Variants in ATP8A2 observed in about 807,000 individuals in gnomAD.
The protein encoded by ATP8A2 is phospholipid-transporting ATPase IB.
Under a neutral mutation model 165.6 loss-of-function variants are expected in ATP8A2, and 100 were observed. The observed-to-expected ratio is 0.60, with a 90% CI of 0.51 to 0.71. The LOEUF is 0.71. Among genes scored for constraint, ATP8A2 ranks in the 30% least tolerant of loss-of-function variants. ATP8A2 has a pLI of 0.00. For missense variants in ATP8A2, 1,227 were observed against 1,479.5 expected, an observed-to-expected ratio of 0.83 and a Z score of 2.80; for synonymous variants, 543 against 548.8, an observed-to-expected ratio of 0.99 and a Z score of 0.15.
intron 24 of ATP8A2, among the ~76,000 whole-genome samples, chr13:25,678,409 GC>G (rs1566039246): frequency 1.3e-5 from 2 of 152,178 alleles, no homozygotes; most frequent in African/African-American, 4.8e-5. Context: ...GGATTAAAAG[GC>G]CCCACTGGAG....
At chr13:25,554,114 A>G (rs1404144852) in intron 12 of ATP8A2, among the ~76,000 whole-genome samples, 194 bp downstream of exon 12, 1 of 152,116 alleles carries the variant, frequency 6.6e-6, no homozygotes, top group East Asian at 1.9e-4. Flanking sequence ...AGTGGTACCT[A>G]TTCAAGGCGT....
chr13:25,569,493 C>T (rs965436700), intron 16 of ATP8A2, among the ~76,000 whole-genome samples: 1 of 152,172 alleles, frequency 6.6e-6, no homozygotes, highest in Admixed American at 6.5e-5. Flanking sequence ...AATTTTATAG[C>T]CAGTTGCCTA....
chr13:26,011,588 T>C (rs1227299817), intron 35 of ATP8A2, among the ~76,000 whole-genome samples: 3 of 152,094 alleles, frequency 2.0e-5, no homozygotes, highest in African/African-American at 7.2e-5. Flanking sequence ...ATAGTAAAAA[T>C]CAAAGCACTT....
intron 24 of ATP8A2, among the ~76,000 whole-genome samples, chr13:25,623,260 G>A (rs2041018432): frequency 6.6e-6 from 1 of 152,094 alleles, no homozygotes; most frequent in Admixed American, 6.6e-5. Flanking sequence ...GCTGGGTATG[G>A]TGATGTGAGC....
At chr13:25,428,690 C>T (rs114117814) in intron 1 of ATP8A2, among the ~76,000 whole-genome samples, 3,602 of 152,220 alleles carry the variant, frequency 0.024, 70 homozygotes, top group South Asian at 0.11. Flanking sequence ...AACAGACCCC[C>T]AAATATATAA....
chr13:25,619,608 T>A (rs1421522952), intron 24 of ATP8A2, among the ~76,000 whole-genome samples: 1 of 152,080 alleles, frequency 6.6e-6, no homozygotes, highest in Non-Finnish European at 1.5e-5. Context: ...ATGTGAGAAA[T>A]GAGTACATAG....
Position 25,741,996 on chromosome 13 carries a change from A to G in ATP8A2, c.2385-27050A>G, listed in dbSNP as rs1374216054. On this transcript the variant is annotated intron_variant, in intron 25 of 36. Transcript: ENST00000381655. ...ACCTTCCTTACAGGTACAGTCATGCATTACTTAATGATGGGGATACATTCT... is the reference window on the plus strand; with the variant it reads ...ACCTTCCTTACAGGTACAGTCATGCGTTACTTAATGATGGGGATACATTCT... Among the ~76,000 whole-genome samples, 3 of 152,342 alleles carry G rather than the reference A, an allele frequency of 2.0e-5. No homozygotes were observed. In the East Asian group the frequency reaches 5.8e-4, roughly 29 times the overall value.
intron 25 of ATP8A2, among the ~76,000 whole-genome samples, chr13:25,752,592 C>T (rs1046055494): frequency 2.0e-5 from 3 of 152,142 alleles, no homozygotes; most frequent in African/African-American, 7.2e-5. Context: ...GAAGAATGGA[C>T]ATATGCTGAC....
chr13:25,566,109 T>G (rs938371501), intron 16 of ATP8A2, among the ~76,000 whole-genome samples: 1 of 152,164 alleles, frequency 6.6e-6, no homozygotes, highest in Non-Finnish European at 1.5e-5. Context: ...CTATTGAAGT[T>G]AGTGCCCATT....
chr13:25,748,707 A>T (rs2044090209), intron 25 of ATP8A2, among the ~76,000 whole-genome samples: 1 of 152,178 alleles, frequency 6.6e-6, no homozygotes, highest in South Asian at 2.1e-4. Flanking sequence ...CATCAACTAA[A>T]ATGCTTTTAA....
rs538285246 is a variant in ATP8A2, at chr13:25,656,913, C to T, written c.2212-42260C>T. Reference sequence around the variant, plus strand: ...ACTAAAATTACAAAAATTAGCTGGGCATGGTGGTGCATGCCTGTAATCCTA... The same window carrying T: ...ACTAAAATTACAAAAATTAGCTGGGTATGGTGGTGCATGCCTGTAATCCTA... On this transcript the variant is annotated intron_variant, in intron 24 of 36. Transcript: ENST00000381655. 3.3e-5 allele frequency among the ~76,000 whole-genome samples: 5 copies of T among 151,390 alleles called. No homozygotes were observed. The East Asian group carries it at 9.8e-4, about 30-fold the overall frequency.
At chr13:25,603,887 G>T (rs2040451625) in intron 24 of ATP8A2, among the ~76,000 whole-genome samples, 1 of 152,076 alleles carries the variant, frequency 6.6e-6, no homozygotes, top group South Asian at 2.1e-4. Flanking sequence ...TAGGGCAGTT[G>T]AATATGTGTG....
intron 30 of ATP8A2, among the ~76,000 whole-genome samples, chr13:25,846,324 G>A (rs1951863523): frequency 6.6e-6 from 1 of 152,224 alleles, no homozygotes; most frequent in Non-Finnish European, 1.5e-5. Flanking sequence ...GGAAATGTTA[G>A]CAAAGTAGAA....
At position 25,460,506 on chromosome 13, in the gene ATP8A2, A is replaced by G. The variant is rs187358854; in HGVS notation, c.77-8471A>G. On this transcript the variant is annotated intron_variant, in intron 1 of 36. Coordinates refer to ENST00000381655, the MANE Select transcript of ATP8A2 (RefSeq NM_016529.6). Reference sequence around the variant, plus strand: ...TTACTCTGAGTTGAGTGTTTGAAACATAGCTTTTCTTTTTTGTTGTTGTTT... The same window carrying G: ...TTACTCTGAGTTGAGTGTTTGAAACGTAGCTTTTCTTTTTTGTTGTTGTTT... Among the ~76,000 whole-genome samples, 99 of 152,350 alleles carry G rather than the reference A, an allele frequency of 6.5e-4. 1 individual carries two copies. Among genetic ancestry groups the G allele is most frequent in the Non-Finnish European group, 1.5e-4 (10 of 68,036 alleles).
Position 25,816,417 on chromosome 13 carries a change from T to A in ATP8A2, c.2680-11701T>A, listed in dbSNP as rs564691677. Among the ~76,000 whole-genome samples, 7 of 152,296 alleles carry A rather than the reference T, an allele frequency of 4.6e-5. No individual in the cohort carries two copies. In the East Asian group the frequency reaches 1.4e-3, roughly 29 times the overall value. On this transcript the variant is annotated intron_variant, in intron 27 of 36. Transcript: ENST00000381655. ...CTTTTGTACAAGTTGTTCTCTCTAC[T>A]TTCAGTGCCCCTTCTCCCCGCACCC... is the stretch of plus-strand genomic sequence containing the variant.
intron 25 of ATP8A2, 143 bp from the exon 26 acceptor site, chr13:25,768,903 C>G (rs967346429): frequency 1.3e-6 from 1 of 784,514 alleles, no homozygotes; most frequent in Non-Finnish European, 2.1e-6. Flanking sequence ...TTTCTGAAAG[C>G]TTCTTTGCAC....
At chr13:25,754,890 A>G (rs989156176) in intron 25 of ATP8A2, among the ~76,000 whole-genome samples, 1 of 152,066 alleles carries the variant, frequency 6.6e-6, no homozygotes, top group African/African-American at 2.4e-5. Context: ...GGCTTTTTCA[A>G]AATTTGTTTT....
intron 35 of ATP8A2, among the ~76,000 whole-genome samples, chr13:26,006,728 G>A (rs543650864): frequency 2.0e-5 from 3 of 151,928 alleles, no homozygotes; most frequent in Non-Finnish European, 4.4e-5. Context: ...TCATGAAAGA[G>A]TACTGAATTT....
chr13:25,957,292 C>T (rs1955549642), intron 33 of ATP8A2, among the ~76,000 whole-genome samples: 1 of 152,102 alleles, frequency 6.6e-6, no homozygotes, highest in East Asian at 1.9e-4. Context: ...AACTAAAGAG[C>T]ATCAGCAAAA....
Sources: allele counts gnomAD v4.1 joint callset (sites outside exome capture counted in the v4.1 genomes callset), GRCh38; gene constraint gnomAD v4.1.1; transcripts MANE v1.5; gene names NCBI Gene and HGNC (gene_info 2026-07-23, HGNC 2026-07-21).